The following DRC5 variants were observed in gnomAD, a reference collection of about 807,000 sequenced individuals.
The protein encoded by DRC5 is T-complex-associated testis-expressed protein 1.
At chr6:44,280,382 C>G in the DRC5 span, 7 of 1,612,676 alleles carry the variant, frequency 4.3e-6, no homozygotes, top group Non-Finnish European at 5.1e-6. Context: ...GGAGCTGCTT[C>G]CCACCGTCCT....
the DRC5 span, among the ~76,000 whole-genome samples, chr6:44,293,499 G>C: frequency 6.6e-5 from 10 of 152,218 alleles, no homozygotes; most frequent in East Asian, 1.7e-3. Flanking sequence ...CTATAATGGA[G>C]CTAGGATGGG....
the DRC5 span, among the ~76,000 whole-genome samples, chr6:44,290,548 C>CA: frequency 6.6e-6 from 1 of 152,118 alleles, no homozygotes; most frequent in African/African-American, 2.4e-5. Context: ...ATGTGAAGGG[C>CA]AAGGAGGCAG....
the DRC5 span, among the ~76,000 whole-genome samples, chr6:44,283,917 T>C: frequency 6.6e-6 from 1 of 152,232 alleles, no homozygotes; most frequent in Non-Finnish European, 1.5e-5. Flanking sequence ...TGGGAACCTG[T>C]CATTTTCCTG....
chr6:44,290,448 T>G, the DRC5 span, among the ~76,000 whole-genome samples: 6 of 152,156 alleles, frequency 3.9e-5, no homozygotes, highest in African/African-American at 1.4e-4. Context: ...AGAGACCACA[T>G]CCAGGAGACC....
At chr6:44,295,494 C>G in the DRC5 span, among the ~76,000 whole-genome samples, 2 of 152,180 alleles carry the variant, frequency 1.3e-5, no homozygotes, top group Non-Finnish European at 2.9e-5. Context: ...CAGGGAACAA[C>G]GTCTATACCA....
At chr6:44,287,691 G>T in the DRC5 span, 1 of 1,614,254 alleles carries the variant, frequency 6.2e-7, no homozygotes, top group South Asian at 1.1e-5. Flanking sequence ...ACTTTGCAGG[G>T]ACTGGTGTGA....
At chr6:44,285,937 G>A in the DRC5 span, 1 of 1,579,110 alleles carries the variant, frequency 6.3e-7, no homozygotes, top group Non-Finnish European at 8.7e-7. Context: ...GAGAAGGGGT[G>A]GGGGGAAGGC....
chr6:44,291,486 G>A, the DRC5 span, among the ~76,000 whole-genome samples: 1 of 152,216 alleles, frequency 6.6e-6, no homozygotes, highest in African/African-American at 2.4e-5. Context: ...TCCTCCCTTG[G>A]CAGGTTGCCT....
the DRC5 span, among the ~76,000 whole-genome samples, chr6:44,283,147 T>G: frequency 6.6e-6 from 1 of 152,156 alleles, no homozygotes; most frequent in Non-Finnish European, 1.5e-5. Context: ...AGCATCTCGA[T>G]GAAGAAGAGA....
the DRC5 span, among the ~76,000 whole-genome samples, chr6:44,290,450 CAGG>C: frequency 6.6e-6 from 1 of 152,158 alleles, no homozygotes; most frequent in East Asian, 1.9e-4. Flanking sequence ...AGACCACATC[CAGG>C]AGACCTGCTT....
chr6:44,296,799 G>C, the DRC5 span, among the ~76,000 whole-genome samples: 1 of 152,140 alleles, frequency 6.6e-6, no homozygotes, highest in Non-Finnish European at 1.5e-5. Context: ...GCCCTCCTCT[G>C]TTCTCAGGGC....
At chr6:44,282,252 G>C in the DRC5 span, 43 of 1,614,224 alleles carry the variant, frequency 2.7e-5, no homozygotes, top group Non-Finnish European at 3.6e-5. Context: ...GGTCTGCAAG[G>C]CATGGGCAAG....
chr6:44,279,958 T>C, the DRC5 span: 1 of 465,982 alleles, frequency 2.1e-6, no homozygotes, highest in South Asian at 3.8e-5. Context: ...GTAATATCCT[T>C]TCCCTGGGCA....
chr6:44,284,897 G>A, the DRC5 span, among the ~76,000 whole-genome samples: 3 of 152,176 alleles, frequency 2.0e-5, no homozygotes, highest in African/African-American at 4.8e-5. Flanking sequence ...CAGACGGAGT[G>A]ACATTTTCAC....
chr6:44,287,314 G>A, the DRC5 span: 1 of 845,494 alleles, frequency 1.2e-6, no homozygotes, highest in Non-Finnish European at 1.4e-6. Flanking sequence ...AGAGGGCAGA[G>A]GCATGGAGGG....
the DRC5 span, chr6:44,279,884 A>G: frequency 3.4e-6 from 1 of 291,796 alleles, no homozygotes; most frequent in Non-Finnish European, 6.4e-6. Context: ...TGGCAGGCAC[A>G]GTCCCTCAGA....
chr6:44,282,430 C>T, the DRC5 span: 1 of 1,613,668 alleles, frequency 6.2e-7, no homozygotes. Context: ...TTGGCAGCAC[C>T]TCGTGCACCA....
At chr6:44,290,704 C>T in the DRC5 span, among the ~76,000 whole-genome samples, 4 of 152,362 alleles carry the variant, frequency 2.6e-5, no homozygotes, top group African/African-American at 9.6e-5. Flanking sequence ...CACCCATGGG[C>T]CACACCCAGG....
the DRC5 span, chr6:44,287,613 C>A: frequency 6.2e-7 from 1 of 1,614,142 alleles, no homozygotes; most frequent in Non-Finnish European, 8.5e-7. Flanking sequence ...TGGCCAGTGA[C>A]CACTCAGGAT....
Sources: gnomAD v4.1 joint callset for allele counts (sites outside exome capture counted in the v4.1 genomes callset) on GRCh38, gnomAD v4.1.1 for gene constraint, MANE v1.5 for transcripts, NCBI Gene and HGNC (gene_info 2026-07-23, HGNC 2026-07-21) for gene names.